Variants in SLC20A2 observed in about 807,000 individuals in gnomAD.
SLC20A2 encodes solute carrier family 20 member 2.
In SLC20A2, 30 loss-of-function variants were observed where a neutral mutation model predicts 61.0. The observed-to-expected ratio is 0.49, with a 90% CI of 0.37 to 0.67. The LOEUF (loss-of-function observed/expected upper bound fraction) is 0.67. Ranked by LOEUF, SLC20A2 falls within the 30% of genes least tolerant of loss-of-function variation. SLC20A2 has a pLI of 0.00. For synonymous variants in SLC20A2, 351 were observed against 353.3 expected (o/e 0.99, Z 0.07); for missense variants, 626 against 866.4 (o/e 0.72, Z 3.48).
intron 6 of SLC20A2, among the ~76,000 whole-genome samples, chr8:42,443,006 A>G (rs550090934): frequency 6.6e-6 from 1 of 152,108 alleles, no homozygotes; most frequent in South Asian, 2.1e-4. Flanking sequence ...GAATAGGAAA[A>G]CAGCCTTGGC....
At chr8:42,519,196 A>C (rs1342047932) in intron 1 of SLC20A2, among the ~76,000 whole-genome samples, 1 of 152,222 alleles carries the variant, frequency 6.6e-6, no homozygotes, top group Admixed American at 6.5e-5. Context: ...CTGTAATCCC[A>C]GCACTTTGGG....
chr8:42,503,243 G>C (rs1810432007), upstream of SLC20A2, among the ~76,000 whole-genome samples: 1 of 152,192 alleles, frequency 6.6e-6, no homozygotes, highest in African/African-American at 2.4e-5. Context: ...TGAGTCAACA[G>C]TGCTTTTGTT....
At chr8:42,527,817 G>A (rs1812073875) in intron 1 of SLC20A2, among the ~76,000 whole-genome samples, 1 of 151,942 alleles carries the variant, frequency 6.6e-6, no homozygotes, top group African/African-American at 2.4e-5. Context: ...AGATATAAAT[G>A]TATAATGACA....
Position 42,417,894 on chromosome 8 carries a change from A to T in SLC20A2, c.1868T>A (p.Phe623Tyr). The change falls in exon 11 of 11, where the codon TTC (phenylalanine) becomes TAC (tyrosine). Residue 623 changes from phenylalanine (F) to tyrosine (Y), a missense_variant. Transcript: ENST00000520262. ...AGGGACGGTCACGAACCAGGCCACGAAGATGTTCCGAAAGAGGCGCCAGTC... is the reference window on the plus strand; with the variant it reads ...AGGGACGGTCACGAACCAGGCCACGTAGATGTTCCGAAAGAGGCGCCAGTC... The part of the protein sequence containing the change: ...AVDWRLFRNI[F>Y]VAWFVTVPVA... 1 of 1,614,084 alleles carries T rather than the reference A, an allele frequency of 6.2e-7. No homozygotes were observed. Among genetic ancestry groups the T allele is most frequent in the Non-Finnish European group, 8.5e-7 (1 of 1,179,990 alleles).
At chr8:42,421,877 T>TTTTTTTTTTTTTTTTTTTTG (rs1803069744) in intron 10 of SLC20A2, among the ~76,000 whole-genome samples, 1 of 152,000 alleles carries the variant, frequency 6.6e-6, no homozygotes, top group African/African-American at 2.4e-5. Flanking sequence ...TTTTTTTTTT[T>TTTTTTTTTTTTTTTTTTTTG]AAGTGGATTG....
chr8:42,464,764 A>G (rs1807023804), intron 3 of SLC20A2, among the ~76,000 whole-genome samples: 1 of 152,086 alleles, frequency 6.6e-6, no homozygotes, highest in Non-Finnish European at 1.5e-5. Flanking sequence ...ACTGAGCTCA[A>G]GAGTTCAAGA....
In SLC20A2 at chr8:42,441,415, G is replaced by C. The variant is rs181734889; in HGVS notation, c.731-1762C>G. 4.3e-4 allele frequency among the ~76,000 whole-genome samples: 63 copies of C among 147,786 alleles called. No homozygotes were observed. The East Asian group carries it at 0.011, about 27-fold the overall frequency. On this transcript the variant is annotated intron_variant, in intron 6 of 10. Transcript: ENST00000520262. The stretch of plus-strand genomic sequence containing the variant: ...GATCCGCCCACCTCGGCCTCCCAAA[G>C]TGCTGGGATTACAGGCATGAGTCAC...
chr8:42,488,935 GTTTTTTTTTTTTT>G (rs34643152), intron 1 of SLC20A2, among the ~76,000 whole-genome samples: 1 of 83,524 alleles, frequency 1.2e-5, no homozygotes, highest in Non-Finnish European at 2.2e-5. Flanking sequence ...TAGGAGTTTT[GTTTTTTTTTTTTT>G]TTTTTTTTTG....
intron 1 of SLC20A2, among the ~76,000 whole-genome samples, chr8:42,519,316 T>G (rs7831177): frequency 6.6e-6 from 1 of 152,008 alleles, no homozygotes; most frequent in African/African-American, 2.4e-5. Flanking sequence ...TGGTGGCATG[T>G]GCCTGTAGTC....
intron 6 of SLC20A2, among the ~76,000 whole-genome samples, chr8:42,443,441 G>A (rs559393891): frequency 1.9e-3 from 290 of 150,968 alleles, no homozygotes; most frequent in Middle Eastern, 0.01. Context: ...TCAGCCTCCC[G>A]AGTAGCTGGG....
Position 42,472,473 on chromosome 8 carries a change from C to A in SLC20A2, c.-83G>T. 1 of 1,278,948 alleles carries A rather than the reference C, an allele frequency of 7.8e-7. No individual in the cohort carries two copies. Among genetic ancestry groups the A allele is most frequent in the Non-Finnish European group, 1.1e-6 (1 of 920,214 alleles). The allele number at this position is 1,278,948 out of a possible 1,614,324, so 79.2% of individuals were successfully genotyped here. On this transcript the variant is annotated 5_prime_UTR_variant, in exon 2 of 11. Transcript: ENST00000520262. The surrounding 1 kb of genome is among the most constrained non-coding windows in gnomAD (Gnocchi z 4.1). ...CTTGAGGTTATAAACTTCGTAAGGC[C>A]AAGAGTTCTTGTAAACAGTGAGTTT...
chr8:42,501,637 T>C (rs899322625), upstream of SLC20A2, among the ~76,000 whole-genome samples: 4 of 152,250 alleles, frequency 2.6e-5, no homozygotes, highest in African/African-American at 9.6e-5. Flanking sequence ...ACCAGAATCC[T>C]GAAATAAAAG....
chr8:42,486,922 A>G (rs1277747232), intron 1 of SLC20A2, among the ~76,000 whole-genome samples: 1 of 152,096 alleles, frequency 6.6e-6, no homozygotes, highest in Non-Finnish European at 1.5e-5. Context: ...GCTGGAATGC[A>G]ATGGTGTGAT....
At chr8:42,521,354 A>G (rs1811615618) in intron 1 of SLC20A2, among the ~76,000 whole-genome samples, 1 of 121,470 alleles carries the variant, frequency 8.2e-6, no homozygotes, top group South Asian at 2.9e-4. Flanking sequence ...AAAAAAGCCA[A>G]TCTCAAAAGG....
chr8:42,528,591 T>TA (rs1330248107), intron 1 of SLC20A2, among the ~76,000 whole-genome samples: 1 of 152,220 alleles, frequency 6.6e-6, no homozygotes, highest in East Asian at 1.9e-4. Flanking sequence ...AGACTTAGAT[T>TA]AAAATCCTGG....
At chr8:42,435,997 C>T (rs368145796) in intron 8 of SLC20A2, among the ~76,000 whole-genome samples, 2 of 152,030 alleles carry the variant, frequency 1.3e-5, no homozygotes, top group South Asian at 2.1e-4. Flanking sequence ...AGCCTGTAAT[C>T]CCAGCGGCTT....
rs1291173387 is a variant in SLC20A2 at position 42,522,170 on chromosome 8, T to C, written c.-265+19651A>G. Among the ~76,000 whole-genome samples the C allele has an allele frequency of 2.5e-5, 3 of 120,408 alleles. 1 individual carries two copies. Among genetic ancestry groups the C allele is most frequent in the Non-Finnish European group, 6.0e-5 (3 of 50,120 alleles). 79.0% of individuals were successfully genotyped at this position (120,408 alleles called of 152,430 possible). A position where few individuals can be genotyped will look rare whatever the true frequency, so the allele number is the denominator to read the frequency against. On this transcript the variant is annotated intron_variant, in intron 1 of 10. Transcript: ENST00000342228. ...AGAGAGGAGAAGACTGCCAGAATAA[T>C]AGTGAGCAAGCAGTTATCACGTCCC... is the stretch of plus-strand genomic sequence containing the variant.
chr8:42,428,590 G>A (rs907471455), intron 10 of SLC20A2, among the ~76,000 whole-genome samples, 168 bp downstream of exon 10: 5 of 152,250 alleles, frequency 3.3e-5, no homozygotes, highest in Admixed American at 6.5e-5. Flanking sequence ...AGAGGAGGAC[G>A]GTGGAGGGAA....
At chr8:42,432,650 CTTAAT>C (rs1477808337) in intron 8 of SLC20A2, among the ~76,000 whole-genome samples, 1 of 152,160 alleles carries the variant, frequency 6.6e-6, no homozygotes, top group Non-Finnish European at 1.5e-5. Context: ...TCATTGTTGT[CTTAAT>C]TTAAGAAATG....
Sources: allele counts gnomAD v4.1 joint callset (sites outside exome capture counted in the v4.1 genomes callset), GRCh38; gene constraint gnomAD v4.1.1; non-coding constraint Gnocchi (gnomAD v3.1); transcripts MANE v1.5; gene names NCBI Gene and HGNC (gene_info 2026-07-23, HGNC 2026-07-21).